Variants in ARF5 observed in about 807,000 individuals in gnomAD.
ARF5 encodes the protein ARF GTPase 5.
A neutral mutation model predicts 24.8 loss-of-function variants in ARF5; 10 were observed. The observed-to-expected ratio is 0.40, with a 90% CI of 0.25 to 0.68. The LOEUF (loss-of-function observed/expected upper bound fraction) is 0.68, where lower values mean the gene tolerates loss of function less well. Among genes scored for constraint, ARF5 ranks in the 30% least tolerant of loss-of-function variants. The probability of loss-of-function intolerance (pLI) is 0.36; values close to 1 mark genes in which losing one functional copy is unlikely to be tolerated. For synonymous variants in ARF5, 102 were observed against 95.1 expected, an observed-to-expected ratio of 1.07 and a Z score of -0.42; for missense variants, 135 against 239.2, an observed-to-expected ratio of 0.56 and a Z score of 2.87.
Position 127,591,037 on chromosome 7 carries a change from C to T in ARF5, c.405C>T (p.Pro135=), listed in dbSNP as rs764976430. Residue 135 remains proline (P), a synonymous_variant, in exon 5 of 6, where the codon CCC becomes CCT. Transcript: ENST00000000233. ...AGCAGGACATGCCCAACGCCATGCCCGTGAGCGAGCTGACTGACAAGCTGG... is the reference window on the plus strand; with the variant it reads ...AGCAGGACATGCCCAACGCCATGCCTGTGAGCGAGCTGACTGACAAGCTGG... ...ANKQDMPNAM[P]VSELTDKLGL... is the part of the protein sequence containing the mutation. 1.2e-5 allele frequency: 19 copies of T among 1,613,994 alleles called. No homozygotes were observed. Among genetic ancestry groups the T allele is most frequent in the South Asian group, 8.8e-5 (8 of 91,080 alleles).
At chr7:127,590,802 C>G (rs533546426) in intron 4 of ARF5, among the ~76,000 whole-genome samples, 161 bp from the exon 5 acceptor site, 1 of 152,338 alleles carries the variant, frequency 6.6e-6, no homozygotes, top group South Asian at 2.1e-4. Context: ...GACTTATGGG[C>G]TCAGGTCACC....
chr7:127,588,810 G>C (rs1019661749), intron 1 of ARF5: 1 of 579,228 alleles, frequency 1.7e-6, no homozygotes, highest in Admixed American at 3.4e-5. Flanking sequence ...GGTAAGAAGG[G>C]AGGATTCCGC....
rs769687552 is a variant in ARF5 at position 127,591,111 on chromosome 7, G to T, written c.456+23G>T. 6 of 1,613,188 alleles carry T rather than the reference G, an allele frequency of 3.7e-6. No homozygotes were observed. The Admixed American group carries it at 1.0e-4, about 27-fold the overall frequency. On this transcript the variant is annotated intron_variant, in intron 5 of 5. Coordinates refer to ENST00000000233, the MANE Select transcript of ARF5 (RefSeq NM_001662.4). ...ACGGTAGGGGTCCTGCCCACCTGGT[G>T]CTGAATCCTGCCTCTTGAGGGAAGC...
Position 127,589,611 on chromosome 7 carries a change from G to C in ARF5, c.258+17G>C. ...AACACTCAGGTGGAGTGTTGGGAGG[G>C]GACTTTCTAACCCCACGGGAAAAGG... On this transcript the variant is annotated intron_variant, in intron 3 of 5. Coordinates refer to ENST00000000233, the MANE Select transcript of ARF5 (RefSeq NM_001662.4). 1.3e-6 allele frequency: 2 copies of C among 1,585,770 alleles called. No individual in the cohort carries two copies. Among genetic ancestry groups the C allele is most frequent in the Non-Finnish European group, 1.7e-6 (2 of 1,157,416 alleles).
chr7:127,588,846 C>T (rs772298810), intron 1 of ARF5: 46 of 572,638 alleles, frequency 8.0e-5, no homozygotes, highest in Non-Finnish European at 1.3e-4. Context: ...TTAAAACGAG[C>T]GCGGCCTACC....
At position 127,589,153 on chromosome 7, in the gene ARF5, C is replaced by T. The variant is rs761078980; in HGVS notation, c.138C>T (p.Ile46=). Reference sequence around the variant, plus strand: ...AGTTGGGGGAGATTGTCACCACCATCCCAACCATAGGTGAGCCCGGGGACG... The same window carrying T: ...AGTTGGGGGAGATTGTCACCACCATTCCAACCATAGGTGAGCCCGGGGACG... ...KLKLGEIVTT[I]PTIGFNVETV... is the part of the protein sequence containing the mutation. Residue 46 remains isoleucine, a synonymous_variant, in exon 2 of 6, where the codon ATC becomes ATT. Coordinates refer to ENST00000000233, the MANE Select transcript of ARF5 (RefSeq NM_001662.4). The T allele has an allele frequency of 2.3e-5, 37 of 1,614,108 alleles. No individual in the cohort carries two copies. The East Asian group carries it at 8.0e-4, about 35-fold the overall frequency.
chr7:127,589,333 G>T, intron 2 of ARF5, 152 bp from the exon 3 acceptor site: 1 of 1,031,766 alleles, frequency 9.7e-7, no homozygotes, highest in South Asian at 1.4e-5. Context: ...ATGTGACCTA[G>T]CCCCGCCCTG....
At chr7:127,589,940 C>A in intron 3 of ARF5, 126 bp from the exon 4 acceptor site, 1 of 876,796 alleles carries the variant, frequency 1.1e-6, no homozygotes, top group South Asian at 1.4e-5. Context: ...CTGTAAACTT[C>A]TGTAGAGTTT....
At position 127,591,348 on chromosome 7, in the gene ARF5, C is replaced by T. The variant is rs768453188; in HGVS notation, c.*49C>T. On this transcript the variant is annotated 3_prime_UTR_variant, in exon 6 of 6. Transcript: ENST00000000233. ...GCCCGGAAGCTCCTGCGTGCATCCC[C>T]GGGATGACCAGACTCCCGGACTCCT... 2.8e-4 allele frequency: 409 copies of T among 1,486,584 alleles called. 4 individuals are homozygous for T. The highest frequency in any genetic ancestry group is 1.6e-3 in the Middle Eastern group (7 of 4,426). 92.1% of individuals were successfully genotyped at this position (1,486,584 alleles called of 1,614,324 possible).
rs964181967 is a variant in ARF5, at chr7:127,588,942, A to G, written c.68-141A>G. On this transcript the variant is annotated intron_variant, in intron 1 of 5. Transcript: ENST00000000233. ...GCCACCCGACTGCCCTCCAGGCCTC[A>G]AAGGTAGATAACGACGCGCACCTGG... 7 of 970,988 alleles carry G rather than the reference A, an allele frequency of 7.2e-6. No homozygotes were observed. In the African/African-American group the frequency reaches 9.8e-5, roughly 14 times the overall value. 60.1% of individuals were successfully genotyped at this position (970,988 alleles called of 1,614,324 possible). A position where few individuals can be genotyped will look rare whatever the true frequency, so the allele number is the denominator to read the frequency against.
rs1794253997 is a variant in ARF5 at position 127,589,520 on chromosome 7, T to A, written c.184T>A (p.Cys62Ser). ...NVETVEYKNI[C>S]FTVWDVGGQD... ...AGAAACAGTGGAATATAAGAACATC[T>A]GTTTCACAGTCTGGGACGTGGGAGG... is the stretch of plus-strand genomic sequence containing the variant. Residue 62 changes from cysteine (C) to serine (S), a missense_variant, in exon 3 of 6, where the codon TGT becomes AGT. Physicochemically the swap from Cys to Ser is moderately radical, Grantham distance 112. This residue lies in a region of ARF5 where 102 missense variants were observed against 160.9 expected (regional missense o/e 0.63). Coordinates refer to ENST00000000233, the MANE Select transcript of ARF5 (RefSeq NM_001662.4). The A allele has an allele frequency of 1.9e-6, 3 of 1,613,278 alleles. No individual in the cohort carries two copies. In the Middle Eastern group the frequency reaches 5.0e-4, roughly 267 times the overall value.
intron 3 of ARF5, 29 bp downstream of exon 3, chr7:127,589,623 C>A (rs370775243): frequency 5.8e-6 from 9 of 1,545,786 alleles, no homozygotes; most frequent in Non-Finnish European, 8.0e-6. Flanking sequence ...ACTTTCTAAC[C>A]CCACGGGAAA....
chr7:127,591,374 C>A lies in ARF5; in HGVS notation c.*75C>A. On this transcript the variant is annotated 3_prime_UTR_variant, in exon 6 of 6. Transcript: ENST00000000233. Reference sequence around the variant, plus strand: ...GGGATGACCAGACTCCCGGACTCCTCAGGCAGTGCCCTTTCCTCCCACTTT... The same window carrying A: ...GGGATGACCAGACTCCCGGACTCCTAAGGCAGTGCCCTTTCCTCCCACTTT... The A allele has an allele frequency of 7.6e-7, 1 of 1,308,290 alleles. No homozygotes were observed. Among genetic ancestry groups the A allele is most frequent in the South Asian group, 1.5e-5 (1 of 67,156 alleles). 81.0% of individuals were successfully genotyped at this position (1,308,290 alleles called of 1,614,324 possible).
At chr7:127,591,164 A>C in intron 5 of ARF5, 49 bp from the exon 6 acceptor site, 1 of 1,607,198 alleles carries the variant, frequency 6.2e-7, no homozygotes, top group Non-Finnish European at 8.5e-7. Flanking sequence ...ATATAAAGGC[A>C]TTCCTTTTGT....
Position 127,591,335 on chromosome 7 carries a change from C to A in ARF5, c.*36C>A. On this transcript the variant is annotated 3_prime_UTR_variant, in exon 6 of 6. Transcript: ENST00000000233. ...GCAGGCCCCTGATGCCCGGAAGCTC[C>A]TGCGTGCATCCCCGGGATGACCAGA... 3.9e-6 allele frequency: 6 copies of A among 1,527,472 alleles called. No individual in the cohort carries two copies. Among genetic ancestry groups the A allele is most frequent in the Non-Finnish European group, 5.3e-6 (6 of 1,139,202 alleles). The allele number at this position is 1,527,472 out of a possible 1,614,324, so 94.6% of individuals were successfully genotyped here.
intron 1 of ARF5, 185 bp from the exon 2 acceptor site, chr7:127,588,898 C>T: frequency 1.5e-6 from 1 of 684,980 alleles, no homozygotes; most frequent in Non-Finnish European, 2.5e-6. Context: ...GCTCCGCGCC[C>T]TCTTTGGAGT....
intron 4 of ARF5, among the ~76,000 whole-genome samples, chr7:127,590,729 T>G (rs1027760661): frequency 7.9e-5 from 12 of 152,244 alleles, no homozygotes; most frequent in African/African-American, 2.9e-4. Flanking sequence ...GCCTTTTCCA[T>G]TTGGAAATGT....
chr7:127,590,010 C>T lies in ARF5; in HGVS notation c.259-56C>T, dbSNP rs529540985. The T allele has an allele frequency of 7.6e-6, 11 of 1,442,004 alleles. No individual in the cohort carries two copies. The East Asian group carries it at 1.1e-4, about 15-fold the overall frequency. 89.3% of individuals were successfully genotyped at this position (1,442,004 alleles called of 1,614,324 possible). A position where few individuals can be genotyped will look rare whatever the true frequency, so the allele number is the denominator to read the frequency against. ...GAAGAAAACAGAAAGGGCCACACTACGGTATGTCCCAGGCAGAAGTGATTG... is the reference window on the plus strand; with the variant it reads ...GAAGAAAACAGAAAGGGCCACACTATGGTATGTCCCAGGCAGAAGTGATTG... On this transcript the variant is annotated intron_variant, in intron 3 of 5. Transcript: ENST00000000233.
intron 1 of ARF5, 30 bp downstream of exon 1, chr7:127,588,595 C>A: frequency 7.5e-7 from 1 of 1,331,058 alleles, no homozygotes; most frequent in East Asian, 3.1e-5. Flanking sequence ...CGGCCCGGAC[C>A]GGGGCGCCGG....
Sources: gnomAD v4.1 joint callset for allele counts (sites outside exome capture counted in the v4.1 genomes callset) on GRCh38, gnomAD v4.1.1 for gene constraint, gnomAD v4.1.1 regional missense constraint, MANE v1.5 for transcripts, NCBI Gene and HGNC (gene_info 2026-07-23, HGNC 2026-07-21) for gene names.